Variants in OXTR observed in about 807,000 individuals in gnomAD.
The protein encoded by OXTR is oxytocin receptor.
OXTR carries 19 observed loss-of-function variants against 23.9 expected under a neutral mutation model. The observed-to-expected ratio is 0.80, with a 90% CI of 0.56 to 1.17. The LOEUF is 1.17. Among genes scored for constraint, OXTR ranks in the 50% most tolerant of loss-of-function variants. The pLI, the probability that OXTR is intolerant of heterozygous loss-of-function variation, is 0.00. For missense variants in OXTR, 500 were observed against 550.7 expected, an observed-to-expected ratio of 0.91 and a Z score of 0.92; for synonymous variants, 278 against 250.5, an observed-to-expected ratio of 1.11 and a Z score of -1.04.
chr3:8,759,316 AG>A (rs1290997317), intron 3 of OXTR, among the ~76,000 whole-genome samples: 1 of 152,212 alleles, frequency 6.6e-6, no homozygotes, highest in Non-Finnish European at 1.5e-5. Context: ...ATGCCTTCTC[AG>A]GGTATTTGCA....
intron 3 of OXTR, among the ~76,000 whole-genome samples, chr3:8,762,626 C>T (rs1054544456): frequency 3.9e-5 from 6 of 152,220 alleles, no homozygotes; most frequent in Non-Finnish European, 8.8e-5. Flanking sequence ...GGGGCCTGGT[C>T]CCCCACACCT....
rs1485027747 is a variant in OXTR at position 8,751,801 on chromosome 3, AATCCACCAAC to A, written c.*1166_*1175del. On this transcript the variant is annotated 3_prime_UTR_variant, in exon 4 of 4. Transcript: ENST00000316793. ...GTAAATTATGAAATCAGGAAGTGTG[AATCCACCAAC>A]TTTGTTCTTTTTCAAGGCTTATTTG... is the stretch of plus-strand genomic sequence containing the variant. 1 of 152,190 alleles carries A rather than the reference AATCCACCAAC, an allele frequency of 6.6e-6. No individual in the cohort carries two copies. The highest frequency in any genetic ancestry group is 1.5e-5 in the Non-Finnish European group (1 of 68,024). The allele number at this position is 152,190 out of a possible 1,614,324, so 9.4% of individuals were successfully genotyped here.
chr3:8,767,728 G>T lies in OXTR; in HGVS notation c.460C>A (p.Arg154Ser), dbSNP rs776041271. 20 of 1,609,868 alleles carry T rather than the reference G, an allele frequency of 1.2e-5. No homozygotes were observed. The Admixed American group carries it at 2.5e-4, about 20-fold the overall frequency. ...PLRSLRRRTD[R>S]LAVLATWLGC... is the part of the protein sequence containing the mutation. ...AGCCACGTGGCGAGCACTGCCAGGC[G>T]GTCGGTGCGGCGGCGCAGCGAGCGC... is the stretch of plus-strand genomic sequence containing the variant. The change falls in exon 3 of 4, where the codon CGC becomes AGC. Residue 154 changes from arginine to serine, a missense_variant. Coordinates refer to ENST00000316793, the MANE Select transcript of OXTR (RefSeq NM_000916.4).
At chr3:8,756,165 G>C (rs1169835020) in intron 3 of OXTR, among the ~76,000 whole-genome samples, 2 of 152,150 alleles carry the variant, frequency 1.3e-5, no homozygotes, top group Admixed American at 6.5e-5. Flanking sequence ...GGCTAGAAAG[G>C]CTTCACAGGA....
chr3:8,745,813 G>T (rs559206877), downstream of OXTR: 1 of 1,613,822 alleles, frequency 6.2e-7, no homozygotes, highest in Admixed American at 1.7e-5. The surrounding 1 kb of genome is among the most constrained non-coding windows in gnomAD (Gnocchi z 4.8). Context: ...CACTCTTCGC[G>T]GCCCTGGGCC....
the OXTR span, chr3:8,742,614 AT>A: frequency 2.2e-6 from 1 of 445,520 alleles, no homozygotes; most frequent in South Asian, 1.6e-5. Flanking sequence ...TGAAGGAATA[AT>A]TACCATCACT....
chr3:8,742,181 G>T, the OXTR span, among the ~76,000 whole-genome samples: 1 of 152,212 alleles, frequency 6.6e-6, no homozygotes, highest in South Asian at 2.1e-4. Context: ...TGTGGCCAAA[G>T]CTCTCTCAAT....
Position 8,768,115 on chromosome 3 carries a change from C to A in OXTR, c.73G>T (p.Gly25Cys). ...CGCGGGGGTCCGGCGGTGCGGTTGC[C>A]CTCGGCCCCCGGCGGCGCGGCGCTG... is the stretch of plus-strand genomic sequence containing the variant. ...NASAAPPGAE[G>C]NRTAGPPRRN... The change falls in exon 3 of 4, where the codon GGC becomes TGC. Residue 25 changes from glycine to cysteine, a missense_variant. Transcript: ENST00000316793. The surrounding 1 kb of genome is among the most constrained non-coding windows in gnomAD (Gnocchi z 5.4). 1 of 1,380,878 alleles carries A rather than the reference C, an allele frequency of 7.2e-7. No homozygotes were observed. The highest frequency in any genetic ancestry group is 9.3e-7 in the Non-Finnish European group (1 of 1,073,690). 85.5% of individuals were successfully genotyped at this position (1,380,878 alleles called of 1,614,324 possible). A position where few individuals can be genotyped will look rare whatever the true frequency, so the allele number is the denominator to read the frequency against.
chr3:8,764,916 C>T (rs1177765068), intron 3 of OXTR, among the ~76,000 whole-genome samples: 1 of 152,210 alleles, frequency 6.6e-6, no homozygotes, highest in Non-Finnish European at 1.5e-5. Context: ...GTTTTTCATG[C>T]AACACCCACC....
At chr3:8,755,644 C>T (rs766395993) in intron 3 of OXTR, among the ~76,000 whole-genome samples, 4 of 152,218 alleles carry the variant, frequency 2.6e-5, no homozygotes, top group Admixed American at 6.5e-5. Flanking sequence ...GCCACAGACA[C>T]GAGTGACCTC....
rs1268082937 is a variant in OXTR at position 8,753,225 on chromosome 3, C to T, written c.923-1G>A. 6.2e-7 allele frequency: 1 copy of T among 1,613,790 alleles called. No individual in the cohort carries two copies. The highest frequency in any genetic ancestry group is 8.5e-7 in the Non-Finnish European group (1 of 1,179,958). On this transcript the variant is annotated splice_acceptor_variant, in intron 3 of 3. Transcript: ENST00000316793. LOFTEE classifies it high-confidence loss of function. ...AGCATGACGATGATGAAGGCCGAGGCTGAGGGGGTGGGGGCAGGAGAAAGG... is the reference window on the plus strand; with the variant it reads ...AGCATGACGATGATGAAGGCCGAGGTTGAGGGGGTGGGGGCAGGAGAAAGG...
At chr3:8,753,285 C>T in intron 3 of OXTR, 61 bp from the exon 4 acceptor site, 1 of 1,570,752 alleles carries the variant, frequency 6.4e-7, no homozygotes, top group Non-Finnish European at 8.7e-7. Flanking sequence ...GAGCCACTTC[C>T]AGACCTATCT....
At chr3:8,763,711 G>A (rs563781199) in intron 3 of OXTR, among the ~76,000 whole-genome samples, 4 of 152,228 alleles carry the variant, frequency 2.6e-5, no homozygotes, top group Non-Finnish European at 4.4e-5. Flanking sequence ...AGCACCCGAC[G>A]GCATCCGGCT....
At chr3:8,749,197 G>C (rs6802389), downstream of OXTR, among the ~76,000 whole-genome samples, 10,134 of 152,122 alleles carry the variant, frequency 0.067, 700 homozygotes, top group African/African-American at 0.17. Flanking sequence ...AGATGGGTGG[G>C]GGTCGGGGTG....
intron 3 of OXTR, among the ~76,000 whole-genome samples, chr3:8,760,102 C>T (rs1224376285): frequency 6.6e-6 from 1 of 152,218 alleles, no homozygotes. Flanking sequence ...CCCAAAATGA[C>T]TCCCACTCCA....
chr3:8,748,364 C>T (rs1417743427), downstream of OXTR, among the ~76,000 whole-genome samples: 1 of 152,154 alleles, frequency 6.6e-6, no homozygotes, highest in East Asian at 1.9e-4. Context: ...GATGTTTGTT[C>T]CTGAATCTTA....
chr3:8,767,656 G>T lies in OXTR; in HGVS notation c.532C>A (p.Arg178Ser), dbSNP rs1023312431. The T allele has an allele frequency of 6.2e-7, 1 of 1,612,740 alleles. No individual in the cohort carries two copies. Among genetic ancestry groups the T allele is most frequent in the Non-Finnish European group, 8.5e-7 (1 of 1,179,628 alleles). The change falls in exon 3 of 4, where the codon CGC becomes AGC. Residue 178 changes from arginine to serine, a missense_variant. Physicochemically the swap from Arg to Ser is moderately radical, Grantham distance 110. Coordinates refer to ENST00000316793, the MANE Select transcript of OXTR (RefSeq NM_000916.4). ...SAPQVHIFSL[R>S]EVADGVFDCW... is the part of the protein sequence containing the mutation. ...TCGAAGACGCCGTCAGCCACCTCGC[G>T]CAGAGAGAAGATGTGCACCTGCGGC... is the stretch of plus-strand genomic sequence containing the variant.
chr3:8,743,414 CTGG>C, the OXTR span, among the ~76,000 whole-genome samples: 1 of 152,160 alleles, frequency 6.6e-6, no homozygotes, highest in Non-Finnish European at 1.5e-5. Context: ...CCACCACCTC[CTGG>C]AAGCCCTCCA....
chr3:8,762,313 A>AT (rs746454516), intron 3 of OXTR, among the ~76,000 whole-genome samples: 22 of 152,088 alleles, frequency 1.4e-4, no homozygotes, highest in Non-Finnish European at 2.9e-4. Flanking sequence ...GAGTTTTTTG[A>AT]TTTTGGATTT....
Sources: gnomAD v4.1 joint callset for allele counts (sites outside exome capture counted in the v4.1 genomes callset) on GRCh38, gnomAD v4.1.1 for gene constraint, Gnocchi (gnomAD v3.1) non-coding constraint, MANE v1.5 for transcripts, NCBI Gene and HGNC (gene_info 2026-07-23, HGNC 2026-07-21) for gene names.